Variants in MOSMO observed in about 807,000 individuals in gnomAD.
MOSMO encodes modulator of smoothened protein.
In MOSMO, 5 loss-of-function variants were observed where a neutral mutation model predicts 18.4. That is an observed-to-expected ratio of 0.27 (90% CI 0.14 to 0.57). The LOEUF is 0.57. Ranked by LOEUF, MOSMO falls within the 20% of genes least tolerant of loss-of-function variation. MOSMO has a pLI of 0.92. For missense variants in MOSMO, 138 were observed against 211.8 expected (o/e 0.65, Z 2.16); for synonymous variants, 82 against 82.3 (o/e 1.00, Z 0.02).
chr16:22,092,521 G>T (rs1009111915), downstream of MOSMO: 10 of 1,360,754 alleles, frequency 7.3e-6, no homozygotes, highest in Non-Finnish European at 1.0e-5. Flanking sequence ...ACACATTCCC[G>T]CAGGGCAAGC....
chr16:22,084,877 C>G (rs1261939229), downstream of MOSMO, among the ~76,000 whole-genome samples: 1 of 152,110 alleles, frequency 6.6e-6, no homozygotes, highest in Non-Finnish European at 1.5e-5. Context: ...CCATGATTAC[C>G]CAAGAGTCAC....
At chr16:22,031,799 A>C (rs1299878620) in intron 1 of MOSMO, among the ~76,000 whole-genome samples, 1 of 152,208 alleles carries the variant, frequency 6.6e-6, no homozygotes, top group East Asian at 1.9e-4. Flanking sequence ...TGACTATTAC[A>C]AATAACGCCT....
chr16:22,049,226 G>T lies in MOSMO; in HGVS notation c.107-26261G>T, dbSNP rs117589940. ...TGCTTTAAAAAAACAAACAAACCAG[G>T]TTCTCATTCTGTAGCCCAGGCTGAA... On this transcript the variant is annotated intron_variant, in intron 1 of 2. Coordinates refer to ENST00000542527, the MANE Select transcript of MOSMO (RefSeq NM_001164579.2). Among the ~76,000 whole-genome samples the T allele has an allele frequency of 1.4e-3, 216 of 151,930 alleles. 6 individuals are homozygous for T. In the East Asian group the frequency reaches 0.038, roughly 27 times the overall value.
At chr16:22,008,682 C>G (rs919266257) in intron 1 of MOSMO, among the ~76,000 whole-genome samples, 2 of 150,670 alleles carry the variant, frequency 1.3e-5, no homozygotes, top group African/African-American at 4.9e-5. Flanking sequence ...AGTCCCGGAC[C>G]GGGGAGGAGG....
chr16:22,077,277 A>G (rs2141782554), intron 2 of MOSMO, among the ~76,000 whole-genome samples: 1 of 152,348 alleles, frequency 6.6e-6, no homozygotes, highest in South Asian at 2.1e-4. Flanking sequence ...CTTATGACCC[A>G]ATAAAGGGAA....
intron 1 of MOSMO, among the ~76,000 whole-genome samples, chr16:22,008,703 T>C (rs1433777044): frequency 6.8e-6 from 1 of 146,066 alleles, no homozygotes; most frequent in Non-Finnish European, 1.5e-5. Context: ...GGAGCAGCCC[T>C]CCGATGTGAG....
At chr16:22,010,919 T>A (rs775557751) in intron 1 of MOSMO, among the ~76,000 whole-genome samples, 2 of 150,220 alleles carry the variant, frequency 1.3e-5, no homozygotes, top group Non-Finnish European at 1.5e-5. Flanking sequence ...GTACTCCGTC[T>A]TAAAAAGAAA....
intron 1 of MOSMO, among the ~76,000 whole-genome samples, chr16:22,063,459 G>A (rs1301354637): frequency 6.6e-6 from 1 of 152,128 alleles, no homozygotes; most frequent in African/African-American, 2.4e-5. Flanking sequence ...CACATTTTCT[G>A]GTCGATGCAA....
At chr16:22,013,446 A>G (rs1440457241) in intron 1 of MOSMO, among the ~76,000 whole-genome samples, 1 of 152,080 alleles carries the variant, frequency 6.6e-6, no homozygotes, top group Non-Finnish European at 1.5e-5. Flanking sequence ...TGCTTTGTAC[A>G]AGCTTCTTAA....
At chr16:22,037,736 G>T (rs766188988) in intron 1 of MOSMO, among the ~76,000 whole-genome samples, 6 of 152,108 alleles carry the variant, frequency 3.9e-5, no homozygotes, top group Non-Finnish European at 5.9e-5. Context: ...TATTATGAAG[G>T]ATACTACAAA....
chr16:22,030,611 A>G (rs1432648919), intron 1 of MOSMO, among the ~76,000 whole-genome samples: 10 of 152,182 alleles, frequency 6.6e-5, no homozygotes, highest in Admixed American at 2.0e-4. Context: ...ATCTCGGCTC[A>G]CTGCGACCTC....
chr16:22,090,099 G>A (rs544221838), downstream of MOSMO: 1 of 152,328 alleles, frequency 6.6e-6, no homozygotes, highest in Admixed American at 6.5e-5. Flanking sequence ...CTTGGACAGA[G>A]TCATGGTGAC....
At position 22,080,786 on chromosome 16, in the gene MOSMO, C is replaced by T. The variant is rs1476094781; in HGVS notation, c.410C>T (p.Thr137Ile). 1 of 1,481,270 alleles carries T rather than the reference C, an allele frequency of 6.8e-7. No homozygotes were observed. The highest frequency in any genetic ancestry group is 2.6e-5 in the East Asian group (1 of 38,402). 91.8% of individuals were successfully genotyped at this position (1,481,270 alleles called of 1,614,324 possible). A position where few individuals can be genotyped will look rare whatever the true frequency, so the allele number is the denominator to read the frequency against. Residue 137 changes from threonine to isoleucine, a missense_variant, in exon 3 of 3, where the codon ACA becomes ATA. Physicochemically the swap from Thr to Ile is moderately conservative, Grantham distance 89. Transcript: ENST00000542527. ...CAACCTTATAAATTACCCAACAACA[C>T]AGTAGTTGGGTCATCATATGTACTT... ...GGQPYKLPNNTVVGSSYVLFV... is the reference protein window; with the variant it reads ...GGQPYKLPNNIVVGSSYVLFV...
At chr16:22,092,471 G>A (rs765173417), downstream of MOSMO, 3 of 735,290 alleles carry the variant, frequency 4.1e-6, no homozygotes, top group Admixed American at 3.0e-5. Flanking sequence ...TCCCTGCCCC[G>A]AGCTGCAGTG....
intron 1 of MOSMO, among the ~76,000 whole-genome samples, chr16:22,027,020 G>C (rs1192661827): frequency 6.6e-6 from 1 of 152,082 alleles, no homozygotes; most frequent in Non-Finnish European, 1.5e-5. Context: ...TTAGTGTGTG[G>C]CTTTAAAATA....
intron 1 of MOSMO, among the ~76,000 whole-genome samples, chr16:22,053,111 C>T (rs369681943): frequency 5.9e-5 from 9 of 151,564 alleles, no homozygotes; most frequent in African/African-American, 1.9e-4. Context: ...CCCGCCACCA[C>T]GCCCAGCTAA....
intron 1 of MOSMO, among the ~76,000 whole-genome samples, chr16:22,046,428 T>C (rs538231693): frequency 1.3e-5 from 2 of 152,298 alleles, no homozygotes; most frequent in African/African-American, 4.8e-5. Flanking sequence ...CCTCATTGTA[T>C]GTCTCTGTTT....
chr16:22,021,179 C>T (rs1189937675), intron 1 of MOSMO, among the ~76,000 whole-genome samples: 1 of 152,110 alleles, frequency 6.6e-6, no homozygotes, highest in East Asian at 1.9e-4. Flanking sequence ...CGGGAAGGGC[C>T]ATTGGTCTGG....
intron 1 of MOSMO, among the ~76,000 whole-genome samples, chr16:22,072,627 C>T (rs1272712323): frequency 1.3e-5 from 2 of 152,098 alleles, no homozygotes; most frequent in South Asian, 2.1e-4. Context: ...TTGGCTAACA[C>T]GGTGAAACCC....
Sources: allele counts gnomAD v4.1 joint callset (sites outside exome capture counted in the v4.1 genomes callset), GRCh38; gene constraint gnomAD v4.1.1; transcripts MANE v1.5; gene names NCBI Gene and HGNC (gene_info 2026-07-23, HGNC 2026-07-21).